TAPBP: variants seen among roughly 807,000 people sequenced by gnomAD.
TAPBP encodes TAP binding protein.
A neutral mutation model predicts 45.7 loss-of-function variants in TAPBP; 38 were observed. The observed-to-expected ratio is 0.83, with a 90% CI of 0.64 to 1.09. The LOEUF (loss-of-function observed/expected upper bound fraction) is 1.09. Ranked by LOEUF, TAPBP falls within the 50% of genes least tolerant of loss-of-function variation. The pLI is 0.00. For missense variants in TAPBP, 513 were observed against 587.3 expected (o/e 0.87, Z 1.31); for synonymous variants, 226 against 254.8 (o/e 0.89, Z 1.08).
chr6:33,305,240 CA>C lies in TAPBP; in HGVS notation c.616del (p.Trp206GlyfsTer19), dbSNP rs1768897043. The C allele has an allele frequency of 6.2e-7, 1 of 1,611,356 alleles. No homozygotes were observed. Among genetic ancestry groups the C allele is most frequent in the African/African-American group, 1.3e-5 (1 of 74,796 alleles). ...APGPPPFGLEWRRQHLGKGHL... is the reference protein window; with the variant it reads ...APGPPPFGLEXRRQHLGKGHL... ...TCCCTTACCCAGGTGCTGGCGTCGC[CA>C]CTCTAGCCCAAAGGGAGGGGGACCC... On this transcript the variant is annotated frameshift_variant, in exon 4 of 8. Transcript: ENST00000434618. LOFTEE classifies it high-confidence loss of function. This position sits in a 1 kb window ranked among gnomAD's most constrained non-coding sequence, Gnocchi z 4.4.
intron 7 of TAPBP, chr6:33,303,710 C>T: frequency 6.5e-7 from 1 of 1,531,648 alleles, no homozygotes; most frequent in Admixed American, 2.0e-5. Flanking sequence ...CTTGCATTAT[C>T]TTTCTATTGG....
chr6:33,302,584 C>T (rs1172972418), intron 7 of TAPBP, among the ~76,000 whole-genome samples: 1 of 151,844 alleles, frequency 6.6e-6, no homozygotes, highest in East Asian at 1.9e-4. Context: ...TCCTCAGCCT[C>T]CCAAAGTGCT....
intron 4 of TAPBP, 87 bp downstream of exon 4, chr6:33,304,902 C>T: frequency 1.9e-6 from 3 of 1,551,636 alleles, no homozygotes. Flanking sequence ...CCCAGGCACC[C>T]TCTTATCCAT....
At chr6:33,309,293 G>C (rs1216332489) in intron 3 of TAPBP, among the ~76,000 whole-genome samples, 2 of 151,898 alleles carry the variant, frequency 1.3e-5, no homozygotes, top group Non-Finnish European at 2.9e-5. Context: ...GCTGAGGCAG[G>C]AGAATCACTT....
chr6:33,305,200 A>T lies in TAPBP; in HGVS notation c.657T>A (p.Ala219=), dbSNP rs994503210. The change falls in exon 4 of 8, where the codon GCT becomes GCA. Residue 219 remains alanine (A), a synonymous_variant. Coordinates refer to ENST00000434618, the MANE Select transcript of TAPBP (RefSeq NM_003190.5). The surrounding 1 kb of genome is among the most constrained non-coding windows in gnomAD (Gnocchi z 4.4). ...QHLGKGHLLL[A]ATPGLNGQMP... ...TCTGGCCATTCAGCCCAGGAGTTGC[A>T]GCCAGGAGCAGATGTCCCTTACCCA... is the stretch of plus-strand genomic sequence containing the variant. 6.2e-6 allele frequency: 10 copies of T among 1,614,064 alleles called. No individual in the cohort carries two copies. The African/African-American group carries it at 1.2e-4, about 19-fold the overall frequency.
At position 33,300,154 on chromosome 6, in the gene TAPBP, A is replaced by T. The variant is rs1225354404; in HGVS notation, c.*1606T>A. The T allele has an allele frequency of 6.5e-6, 1 of 153,836 alleles. No homozygotes were observed. The highest frequency in any genetic ancestry group is 2.4e-5 in the African/African-American group (1 of 41,440). The allele number at this position is 153,836 out of a possible 1,614,324, so 9.5% of individuals were successfully genotyped here. A position where few individuals can be genotyped will look rare whatever the true frequency, so the allele number is the denominator to read the frequency against. On this transcript the variant is annotated 3_prime_UTR_variant, in exon 8 of 8. Transcript: ENST00000434618. Reference sequence around the variant, plus strand: ...AGGAATAGCCCTGTGTGTGATGAGCATTGAGAGGAGGTCTGGCGAGCACCA... The same window carrying T: ...AGGAATAGCCCTGTGTGTGATGAGCTTTGAGAGGAGGTCTGGCGAGCACCA...
Position 33,305,129 on chromosome 6 carries a change from T to C in TAPBP, c.728A>G (p.Asp243Gly). The change falls in exon 4 of 8, where the codon GAT becomes GGT. Residue 243 changes from aspartate (D) to glycine (G), a missense_variant. Physicochemically the swap from Asp to Gly is moderately conservative, Grantham distance 94. Coordinates refer to ENST00000434618, the MANE Select transcript of TAPBP (RefSeq NM_003190.5). This position sits in a 1 kb window ranked among gnomAD's most constrained non-coding sequence, Gnocchi z 4.4. Reference sequence around the variant, plus strand: ...GGTCCATGGGCCCCATGGCTCATCATCATCCCAAGCAGCAAATGCCACGGC... The same window carrying C: ...GGTCCATGGGCCCCATGGCTCATCACCATCCCAAGCAGCAAATGCCACGGC... Reference protein sequence around the residue: ...EGAVAFAAWDDDEPWGPWTGN... With the variant: ...EGAVAFAAWDGDEPWGPWTGN... The C allele has an allele frequency of 1.2e-6, 2 of 1,614,190 alleles. No individual in the cohort carries two copies. The highest frequency in any genetic ancestry group is 8.5e-7 in the Non-Finnish European group (1 of 1,180,040).
Position 33,301,615 on chromosome 6 carries a change from A to G in TAPBP, c.*145T>C, listed in dbSNP as rs1238566440. ...GAAAAATTATCCCTTATATAAGTGA[A>G]AGAAAAAAAAAAAAGCATTCCAGCC... On this transcript the variant is annotated 3_prime_UTR_variant, in exon 8 of 8. Coordinates refer to ENST00000434618, the MANE Select transcript of TAPBP (RefSeq NM_003190.5). The G allele has an allele frequency of 4.6e-5, 34 of 734,472 alleles. No homozygotes were observed. Among genetic ancestry groups the G allele is most frequent in the Non-Finnish European group, 7.6e-5 (33 of 435,330 alleles). The allele number at this position is 734,472 out of a possible 1,614,324, so 45.5% of individuals were successfully genotyped here. A position where few individuals can be genotyped will look rare whatever the true frequency, so the allele number is the denominator to read the frequency against.
intron 7 of TAPBP, among the ~76,000 whole-genome samples, chr6:33,302,566 A>T (rs1362898127): frequency 6.6e-6 from 1 of 151,860 alleles, no homozygotes; most frequent in East Asian, 1.9e-4. Context: ...ACCTCAGGTG[A>T]TCCGCCCTCC....
At chr6:33,310,623 C>G (rs1443759456) in intron 3 of TAPBP, among the ~76,000 whole-genome samples, 2 of 151,754 alleles carry the variant, frequency 1.3e-5, no homozygotes, top group Non-Finnish European at 2.9e-5. Flanking sequence ...CCAAGACCAG[C>G]CTGGGCAACC....
In TAPBP at chr6:33,313,384, G is replaced by A. The variant is rs1769512487; in HGVS notation, c.302C>T (p.Ala101Val). 2 of 1,612,118 alleles carry A rather than the reference G, an allele frequency of 1.2e-6. No homozygotes were observed. Among genetic ancestry groups the A allele is most frequent in the Non-Finnish European group, 8.5e-7 (1 of 1,179,320 alleles). ...CAGGCCGCTGGCCCATTTCGCAGAGGCGGGGAGAGGCACGAAGCGGCTCAT... is the reference window on the plus strand; with the variant it reads ...CAGGCCGCTGGCCCATTTCGCAGAGACGGGGAGAGGCACGAAGCGGCTCAT... Reference protein sequence around the residue: ...CEMSRFVPLPASAKWASGLTP... With the variant: ...CEMSRFVPLPVSAKWASGLTP... Residue 101 changes from alanine (A) to valine (V), a missense_variant, in exon 3 of 8, where the codon GCC becomes GTC. Transcript: ENST00000434618. This position sits in a 1 kb window ranked among gnomAD's most constrained non-coding sequence, Gnocchi z 7.2.
In TAPBP at chr6:33,313,955, C is replaced by G; in HGVS notation, c.37+50G>C. 1 of 1,613,618 alleles carries G rather than the reference C, an allele frequency of 6.2e-7. No individual in the cohort carries two copies. Among genetic ancestry groups the G allele is most frequent in the Non-Finnish European group, 8.5e-7 (1 of 1,179,826 alleles). On this transcript the variant is annotated intron_variant, in intron 1 of 7. Transcript: ENST00000434618. The surrounding 1 kb of genome is among the most constrained non-coding windows in gnomAD (Gnocchi z 7.2). The stretch of plus-strand genomic sequence containing the variant: ...GGCATCGGCTCCAGTGGGGCCACCT[C>G]CCTCCGCTTCCCTCTAGTTCTTGGG...
intron 3 of TAPBP, among the ~76,000 whole-genome samples, chr6:33,306,977 T>G (rs1769011265): frequency 1.8e-5 from 1 of 57,076 alleles, no homozygotes; most frequent in Non-Finnish European, 3.2e-5. Context: ...AAACCCCGTT[T>G]CAAAAAAAAA....
rs149845258 is a variant in TAPBP at position 33,312,006 on chromosome 6, A to G, written c.469+1211T>C. On this transcript the variant is annotated intron_variant, in intron 3 of 7. Coordinates refer to ENST00000434618, the MANE Select transcript of TAPBP (RefSeq NM_003190.5). Reference sequence around the variant, plus strand: ...CTTGGTGCTAAAAAGTATTTATTGAATCAATGGATAAATTAACACAGTGCC... The same window carrying G: ...CTTGGTGCTAAAAAGTATTTATTGAGTCAATGGATAAATTAACACAGTGCC... 7.8e-4 allele frequency among the ~76,000 whole-genome samples: 119 copies of G among 152,378 alleles called. No individual in the cohort carries two copies. The Middle Eastern group carries it at 0.01, about 13-fold the overall frequency.
rs1768805578 is a variant in TAPBP at position 33,304,449 on chromosome 6, C to T, written c.1058G>A (p.Arg353His). 11 of 1,611,162 alleles carry T rather than the reference C, an allele frequency of 6.8e-6. No homozygotes were observed. The highest frequency in any genetic ancestry group is 2.2e-5 in the East Asian group (1 of 44,832). The change falls in exon 5 of 8, where the codon CGC (arginine) becomes CAC (histidine). Residue 353 changes from arginine to histidine, a missense_variant. Arg to His is a conservative substitution (Grantham distance 29). Transcript: ENST00000434618. ...GCTGACAGAGCCATCGGAATGGTGG[C>T]GCAGGGCCGAGAGCCACCTCTGCCC... The part of the protein sequence containing the change: ...AEGQRWLSAL[R>H]HHSDGSVSLS...
Position 33,305,477 on chromosome 6 carries a change from GC to G in TAPBP, c.470-91del. On this transcript the variant is annotated intron_variant, in intron 3 of 7. Coordinates refer to ENST00000434618, the MANE Select transcript of TAPBP (RefSeq NM_003190.5). This position sits in a 1 kb window ranked among gnomAD's most constrained non-coding sequence, Gnocchi z 4.4. ...TAGAGAAATGCAGTTATTGGGGAGGGCTAAACTGCAGTTTACCCACCCCTCA... is the reference window on the plus strand; with the variant it reads ...TAGAGAAATGCAGTTATTGGGGAGGGTAAACTGCAGTTTACCCACCCCTCA... 2.2e-6 allele frequency: 3 copies of G among 1,362,226 alleles called. No individual in the cohort carries two copies. The highest frequency in any genetic ancestry group is 2.9e-6 in the Non-Finnish European group (3 of 1,022,048). 84.4% of individuals were successfully genotyped at this position (1,362,226 alleles called of 1,614,324 possible).
At chr6:33,311,373 T>G (rs1240871070) in intron 3 of TAPBP, among the ~76,000 whole-genome samples, 1 of 152,148 alleles carries the variant, frequency 6.6e-6, no homozygotes, top group African/African-American at 2.4e-5. Flanking sequence ...CTCACGCTTG[T>G]AATCCCAGCA....
chr6:33,313,997 T>C lies in TAPBP; in HGVS notation c.37+8A>G. ...GTTCTTGGGCGATGAGTCGCGGGGT[T>C]CGCTCACCCAAAGCCACAGCGAGGA... is the stretch of plus-strand genomic sequence containing the variant. On this transcript the variant is annotated splice_region_variant and intron_variant, in intron 1 of 7. Coordinates refer to ENST00000434618, the MANE Select transcript of TAPBP (RefSeq NM_003190.5). This position sits in a 1 kb window ranked among gnomAD's most constrained non-coding sequence, Gnocchi z 7.2. 1.2e-6 allele frequency: 2 copies of C among 1,613,946 alleles called. No homozygotes were observed. The highest frequency in any genetic ancestry group is 1.7e-6 in the Non-Finnish European group (2 of 1,180,020).
intron 3 of TAPBP, among the ~76,000 whole-genome samples, chr6:33,307,556 C>T (rs772228879): frequency 1.3e-5 from 2 of 151,962 alleles, no homozygotes; most frequent in Non-Finnish European, 2.9e-5. Flanking sequence ...CGTCCACAAC[C>T]GTGCCCAGCT....
Sources: gnomAD v4.1 joint callset for allele counts (sites outside exome capture counted in the v4.1 genomes callset) on GRCh38, gnomAD v4.1.1 for gene constraint, Gnocchi (gnomAD v3.1) non-coding constraint, MANE v1.5 for transcripts, NCBI Gene and HGNC (gene_info 2026-07-23, HGNC 2026-07-21) for gene names.